ATF2: variants seen among roughly 807,000 people sequenced by gnomAD.
ATF2 encodes activating transcription factor 2, also known as cyclic AMP-dependent transcription factor ATF-2.
A neutral mutation model predicts 60.6 loss-of-function variants in ATF2; 24 were observed. The ratio of observed to expected loss-of-function variants is 0.40; its 90% CI spans 0.29 to 0.56. The LOEUF is 0.56. ATF2 is among the 20% of genes least tolerant of loss of function. ATF2 has a pLI of 0.54. For synonymous variants in ATF2, 206 were observed against 215.4 expected (o/e 0.96, Z 0.38); for missense variants, 433 against 607.7 (o/e 0.71, Z 3.02).
chr2:175,152,674 GTTTAAATA>G (rs1414003747), intron 1 of ATF2, among the ~76,000 whole-genome samples: 1 of 152,122 alleles, frequency 6.6e-6, no homozygotes, highest in Non-Finnish European at 1.5e-5. Flanking sequence ...CTTGAAACAT[GTTTAAATA>G]TTTAATATGT....
intron 4 of ATF2, among the ~76,000 whole-genome samples, chr2:175,124,119 T>G (rs1697157445): frequency 6.6e-6 from 1 of 151,892 alleles, no homozygotes; most frequent in Non-Finnish European, 1.5e-5. Flanking sequence ...AAAATATCTA[T>G]ATTACTAGCA....
chr2:175,158,768 T>C (rs1020273847), intron 1 of ATF2, among the ~76,000 whole-genome samples: 5 of 152,000 alleles, frequency 3.3e-5, no homozygotes, highest in Non-Finnish European at 5.9e-5. Context: ...AATTTTAAAT[T>C]GTATGATTAC....
chr2:175,117,929 T>C lies in ATF2; in HGVS notation c.447+61A>G, dbSNP rs759614310. ...ACATTAACATTTTATGGAGATTAAA[T>C]AGTAAACTTTATTTGGGTACTGTTC... On this transcript the variant is annotated intron_variant, in intron 7 of 13. Transcript: ENST00000264110. 4.7e-6 allele frequency: 7 copies of C among 1,485,080 alleles called. No homozygotes were observed. The African/African-American group carries it at 5.7e-5, about 12-fold the overall frequency. The allele number at this position is 1,485,080 out of a possible 1,614,324, so 92.0% of individuals were successfully genotyped here.
At chr2:175,147,445 A>G (rs1174163894) in intron 2 of ATF2, among the ~76,000 whole-genome samples, 1 of 152,206 alleles carries the variant, frequency 6.6e-6, no homozygotes, top group African/African-American at 2.4e-5. Context: ...TTGATCTTCT[A>G]TTTAGTTGGT....
intron 12 of ATF2, among the ~76,000 whole-genome samples, chr2:175,085,908 TTTTA>T (rs1234998169): frequency 1.6e-4 from 24 of 152,236 alleles, no homozygotes; most frequent in Non-Finnish European, 2.4e-4. Flanking sequence ...TTGCACATTC[TTTTA>T]TTTTTTAATT....
At chr2:175,129,189 AT>A (rs1258363208) in intron 4 of ATF2, among the ~76,000 whole-genome samples, 1 of 152,212 alleles carries the variant, frequency 6.6e-6, no homozygotes, top group Non-Finnish European at 1.5e-5. Flanking sequence ...ATGGAGAAAT[AT>A]TGAATTATGT....
chr2:175,114,823 G>T lies in ATF2; in HGVS notation c.493C>A (p.Arg165Ser). Residue 165 changes from arginine (R) to serine (S), a missense_variant, in exon 8 of 14, where the codon CGT becomes AGT. Arg to Ser is a moderately radical substitution (Grantham distance 110). Around this residue, in one of 5 missense-constraint regions of ATF2, gnomAD observed 246 missense variants for 309.3 expected, o/e 0.80. Coordinates refer to ENST00000264110, the MANE Select transcript of ATF2 (RefSeq NM_001880.4). ...TTGGGAACCTGTAATGATGCTGGAC[G>T]AACAATAGCTGATGTGGGCTGTGCA... ...QTAQPTSAIV[R>S]PASLQVPNVL... 2 of 1,613,872 alleles carry T rather than the reference G, an allele frequency of 1.2e-6. No homozygotes were observed. Among genetic ancestry groups the T allele is most frequent in the Non-Finnish European group, 1.7e-6 (2 of 1,179,860 alleles).
In ATF2 at chr2:175,114,841, G is replaced by T; in HGVS notation, c.475C>A (p.Pro159Thr). 1 of 1,613,814 alleles carries T rather than the reference G, an allele frequency of 6.2e-7. No homozygotes were observed. Among genetic ancestry groups the T allele is most frequent in the Non-Finnish European group, 8.5e-7 (1 of 1,179,788 alleles). ...GCTGGACGAACAATAGCTGATGTGG[G>T]CTGTGCAGTTTGTGCCAATGGTACT... ...KEVPLAQTAQ[P>T]TSAIVRPASL... Residue 159 changes from proline (P) to threonine (T), a missense_variant, in exon 8 of 14, where the codon CCC (proline) becomes ACC (threonine). By Grantham distance (38) the Pro-to-Thr change is conservative (BLOSUM62 -1). Transcript: ENST00000264110.
chr2:175,110,020 C>A (rs368014778), intron 10 of ATF2, among the ~76,000 whole-genome samples: 28 of 152,254 alleles, frequency 1.8e-4, no homozygotes, highest in African/African-American at 6.0e-4. Context: ...GACTGATTGT[C>A]TGCACTAATG....
chr2:175,075,505 G>A (rs530922714), intron 13 of ATF2, among the ~76,000 whole-genome samples: 1 of 152,114 alleles, frequency 6.6e-6, no homozygotes, highest in South Asian at 2.1e-4. Context: ...TTAAGGAAAG[G>A]GCATTCTAAA....
At chr2:175,097,271 T>C (rs1694993265) in intron 11 of ATF2, among the ~76,000 whole-genome samples, 173 bp downstream of exon 11, 1 of 152,228 alleles carries the variant, frequency 6.6e-6, no homozygotes, top group Non-Finnish European at 1.5e-5. Context: ...TGCTCTATTA[T>C]GTTTATTTTT....
In ATF2 at chr2:175,128,759, G is replaced by T. The variant is rs184442922; in HGVS notation, c.102+1379C>A. On this transcript the variant is annotated intron_variant, in intron 4 of 13. Transcript: ENST00000264110. ...AAGATATTATTACGAAAATTAAGATGCAAACCACAGAAAAAGAAGCCTCTG... is the reference window on the plus strand; with the variant it reads ...AAGATATTATTACGAAAATTAAGATTCAAACCACAGAAAAAGAAGCCTCTG... Among the ~76,000 whole-genome samples the T allele has an allele frequency of 4.6e-3, 695 of 152,078 alleles. 3 individuals carry two copies. The highest frequency in any genetic ancestry group is 0.016 in the African/African-American group (653 of 41,530).
intron 12 of ATF2, among the ~76,000 whole-genome samples, chr2:175,090,758 G>A (rs145992903): frequency 6.6e-6 from 1 of 152,054 alleles, no homozygotes; most frequent in African/African-American, 2.4e-5. Flanking sequence ...AATGATGTCA[G>A]CAAACTTCTA....
intron 12 of ATF2, among the ~76,000 whole-genome samples, chr2:175,081,617 T>C (rs751956144): frequency 1.3e-5 from 2 of 152,220 alleles, no homozygotes; most frequent in African/African-American, 2.4e-5. Context: ...TTCTACTTAC[T>C]TGGACTCACA....
chr2:175,097,592 C>T lies in ATF2; in HGVS notation c.830G>A (p.Arg277Lys). 6.2e-7 allele frequency: 1 copy of T among 1,613,518 alleles called. No homozygotes were observed. Among genetic ancestry groups the T allele is most frequent in the South Asian group, 1.1e-5 (1 of 90,964 alleles). ...TTGCTGGGTCAAAGCAGCTTTTAATCTCTGCAATGCAAACACCATTAAAAA... is the reference window on the plus strand; with the variant it reads ...TTGCTGGGTCAAAGCAGCTTTTAATTTCTGCAATGCAAACACCATTAAAAA... ...PQPVQSEAKMRLKAALTQQHP... is the reference protein window; with the variant it reads ...PQPVQSEAKMKLKAALTQQHP... The change falls in exon 11 of 14, where the codon AGA becomes AAA. Residue 277 changes from arginine to lysine, a missense_variant and splice_region_variant. By Grantham distance (26) the Arg-to-Lys change is conservative (BLOSUM62 2). This residue lies in a region of ATF2 where 246 missense variants were observed against 309.3 expected (regional missense o/e 0.80). Transcript: ENST00000264110.
At chr2:175,107,876 G>T (rs1274727966) in intron 10 of ATF2, among the ~76,000 whole-genome samples, 2 of 152,176 alleles carry the variant, frequency 1.3e-5, no homozygotes, top group Non-Finnish European at 1.5e-5. Context: ...GTGCTCAAAG[G>T]TGCTCAGGCT....
intron 12 of ATF2, among the ~76,000 whole-genome samples, chr2:175,089,646 T>G (rs889964314): frequency 6.6e-6 from 1 of 152,220 alleles, no homozygotes; most frequent in Non-Finnish European, 1.5e-5. Flanking sequence ...CTGAATCTAT[T>G]ATAGGCATGT....
chr2:175,137,741 C>T (rs1698237684), intron 2 of ATF2, among the ~76,000 whole-genome samples: 1 of 152,130 alleles, frequency 6.6e-6, no homozygotes, highest in Admixed American at 6.6e-5. Flanking sequence ...CTACTCTCCA[C>T]TATACTATCC....
At chr2:175,149,045 C>T (rs1328596871) in intron 2 of ATF2, among the ~76,000 whole-genome samples, 1 of 152,162 alleles carries the variant, frequency 6.6e-6, no homozygotes, top group Non-Finnish European at 1.5e-5. Context: ...AAATAAATCT[C>T]TTCAAATATT....
Sources: gnomAD v4.1 joint callset for allele counts (sites outside exome capture counted in the v4.1 genomes callset) on GRCh38, gnomAD v4.1.1 for gene constraint, gnomAD v4.1.1 regional missense constraint, MANE v1.5 for transcripts, NCBI Gene and HGNC (gene_info 2026-07-23, HGNC 2026-07-21) for gene names.